Variants in ZFHX2 observed in about 807,000 individuals in gnomAD.
ZFHX2 encodes the protein zinc finger homeobox protein 2.
Under a neutral mutation model 164.8 loss-of-function variants are expected in ZFHX2, and 75 were observed. That is an observed-to-expected ratio of 0.46 (90% CI 0.38 to 0.55). The LOEUF is 0.55. ZFHX2 is among the 20% of genes least tolerant of loss of function. The probability of loss-of-function intolerance (pLI) is 0.00; values close to 1 mark genes in which losing one functional copy is unlikely to be tolerated. For synonymous variants in ZFHX2, 1,217 were observed against 1,351.4 expected (o/e 0.90, Z 2.18); for missense variants, 2,933 against 3,308.0 (o/e 0.89, Z 2.78).
At position 23,524,738 on chromosome 14, in the gene ZFHX2, A is replaced by G; in HGVS notation, c.5204T>C (p.Leu1735Ser). ...LEPPAGPEGP[L>S]PEPPDGEELS... ...CTCCTCCCCATCTGGAGGCTCTGGT[A>G]ATGGGCCCTCAGGCCCTGCTGGAGG... Residue 1735 changes from leucine to serine, a missense_variant, in exon 9 of 10, where the codon TTA becomes TCA. Physicochemically the swap from Leu to Ser is moderately radical, Grantham distance 145 (BLOSUM62 -2). Coordinates refer to ENST00000419474, the MANE Select transcript of ZFHX2 (RefSeq NM_033400.3). This position sits in a 1 kb window ranked among gnomAD's most constrained non-coding sequence, Gnocchi z 5.6. The G allele has an allele frequency of 2.6e-6, 4 of 1,536,304 alleles. No individual in the cohort carries two copies. The highest frequency in any genetic ancestry group is 3.5e-6 in the Non-Finnish European group (4 of 1,146,914).
chr14:23,554,321 C>CTTA (rs1189639378), upstream of ZFHX2, among the ~76,000 whole-genome samples: 1 of 152,164 alleles, frequency 6.6e-6, no homozygotes, highest in Non-Finnish European at 1.5e-5. Flanking sequence ...ACCAACAGTG[C>CTTA]TTAACATGGA....
intron 1 of ZFHX2, among the ~76,000 whole-genome samples, chr14:23,542,654 T>C (rs908170766): frequency 1.4e-4 from 22 of 152,104 alleles, no homozygotes; most frequent in African/African-American, 4.8e-4. Context: ...CAGGGAGTTG[T>C]CCCCTTAAAT....
At chr14:23,548,821 G>A (rs1049312269) in intron 1 of ZFHX2, among the ~76,000 whole-genome samples, 3 of 152,094 alleles carry the variant, frequency 2.0e-5, no homozygotes, top group Admixed American at 2.0e-4. Context: ...CCTGCTATTT[G>A]TGCTATGCTT....
chr14:23,522,030 C>T lies in ZFHX2; in HGVS notation c.7651G>A (p.Glu2551Lys). The T allele has an allele frequency of 6.5e-7, 1 of 1,536,402 alleles. No individual in the cohort carries two copies. Among genetic ancestry groups the T allele is most frequent in the Non-Finnish European group, 8.7e-7 (1 of 1,146,906 alleles). ...ASAAVAFAKE[E>K]ARLPHTDSNP... ...GAGTCCGTGTGAGGTAATCTTGCTTCCTCTTTGGCAAAAGCCACAGCAGCC... is the reference window on the plus strand; with the variant it reads ...GAGTCCGTGTGAGGTAATCTTGCTTTCTCTTTGGCAAAAGCCACAGCAGCC... The change falls in exon 10 of 10, where the codon GAA (glutamate) becomes AAA (lysine). Residue 2551 changes from glutamate (E) to lysine (K), a missense_variant. Physicochemically the swap from Glu to Lys is moderately conservative, Grantham distance 56. Transcript: ENST00000419474.
At chr14:23,553,101 G>A (rs1268102948), upstream of ZFHX2, among the ~76,000 whole-genome samples, 1 of 152,204 alleles carries the variant, frequency 6.6e-6, no homozygotes, top group African/African-American at 2.4e-5. Context: ...GTAAGTGACA[G>A]TGCCAGGACT....
chr14:23,526,152 C>T lies in ZFHX2; in HGVS notation c.3790G>A (p.Glu1264Lys), dbSNP rs1878680193. ...RVSYNQSSTLEIHMRSVLHQT... is the reference protein window; with the variant it reads ...RVSYNQSSTLKIHMRSVLHQT... ...TGCAGAACTGACCGCATGTGGATCT[C>T]CAGGGTGGAGCTCTGGTTGTAGGAG... The change falls in exon 9 of 10, where the codon GAG becomes AAG. Residue 1264 changes from glutamate to lysine, a missense_variant. By Grantham distance (56) the Glu-to-Lys change is moderately conservative. Transcript: ENST00000419474. 2 of 1,536,354 alleles carry T rather than the reference C, an allele frequency of 1.3e-6. No homozygotes were observed. The highest frequency in any genetic ancestry group is 1.4e-5 in the African/African-American group (1 of 72,970).
chr14:23,527,110 C>A, intron 7 of ZFHX2, 137 bp from the exon 8 acceptor site: 1 of 1,309,352 alleles, frequency 7.6e-7, no homozygotes, highest in South Asian at 1.9e-5. Context: ...AACAAACCTC[C>A]CACCTAATTG....
intron 1 of ZFHX2, chr14:23,548,310 A>T (rs1881598681): frequency 6.6e-6 from 1 of 152,180 alleles, no homozygotes; most frequent in South Asian, 2.1e-4. Context: ...AACAGGAGTT[A>T]TTTGTGACAA....
At chr14:23,547,589 C>T (rs1485340708) in intron 1 of ZFHX2, among the ~76,000 whole-genome samples, 25 of 152,124 alleles carry the variant, frequency 1.6e-4, no homozygotes. Flanking sequence ...CCTGAGAGTT[C>T]CCCTGGCTGC....
At chr14:23,550,077 G>A (rs2138936140) in intron 1 of ZFHX2, among the ~76,000 whole-genome samples, 1 of 152,334 alleles carries the variant, frequency 6.6e-6, no homozygotes, top group Middle Eastern at 3.4e-3. Context: ...TAAGTCAGCA[G>A]GGAAGAGGTT....
At chr14:23,553,200 A>G (rs1882101551), upstream of ZFHX2, among the ~76,000 whole-genome samples, 1 of 152,368 alleles carries the variant, frequency 6.6e-6, no homozygotes, top group African/African-American at 2.4e-5. Context: ...TGAAGTTCAC[A>G]TGACAAAAAG....
chr14:23,552,288 A>ATTT (rs891218317), upstream of ZFHX2, among the ~76,000 whole-genome samples: 7 of 133,994 alleles, frequency 5.2e-5, no homozygotes, highest in Admixed American at 7.5e-5. Flanking sequence ...GTGCTCCTGA[A>ATTT]TTTTTTTTTT....
Position 23,521,418 on chromosome 14 carries a change from G to C in ZFHX2, c.*544C>G, listed in dbSNP as rs1877970435. 1 of 153,472 alleles carries C rather than the reference G, an allele frequency of 6.5e-6. No individual in the cohort carries two copies. Among genetic ancestry groups the C allele is most frequent in the African/African-American group, 2.4e-5 (1 of 41,454 alleles). 9.5% of individuals were successfully genotyped at this position (153,472 alleles called of 1,614,324 possible). A position where few individuals can be genotyped will look rare whatever the true frequency, so the allele number is the denominator to read the frequency against. ...TGAGCGGTGTGGTGCTCTAGACAAAGGGTTAGGAAGGAGAAGAGAGAGTGG... is the reference window on the plus strand; with the variant it reads ...TGAGCGGTGTGGTGCTCTAGACAAACGGTTAGGAAGGAGAAGAGAGAGTGG... On this transcript the variant is annotated 3_prime_UTR_variant, in exon 10 of 10. Coordinates refer to ENST00000419474, the MANE Select transcript of ZFHX2 (RefSeq NM_033400.3).
chr14:23,530,101 G>A lies in ZFHX2; in HGVS notation c.2875+19C>T, dbSNP rs558612017. ...TCTCAGAAGGTAGGAGGACTGGGGG[G>A]AAGGGAGGGAAAACTCACCCAATTG... is the stretch of plus-strand genomic sequence containing the variant. On this transcript the variant is annotated intron_variant, in intron 5 of 9. Transcript: ENST00000419474. 3.3e-6 allele frequency: 5 copies of A among 1,533,754 alleles called. No individual in the cohort carries two copies. The South Asian group carries it at 4.8e-5, about 15-fold the overall frequency.
At position 23,521,798 on chromosome 14, in the gene ZFHX2, G is replaced by A. The variant is rs953295142; in HGVS notation, c.*164C>T. ...GATTGGGAGGAGGCAGGACTCTGCT[G>A]GAAGTGGGGTGTGTGGTGCCCACTG... On this transcript the variant is annotated 3_prime_UTR_variant, in exon 10 of 10. Coordinates refer to ENST00000419474, the MANE Select transcript of ZFHX2 (RefSeq NM_033400.3). The A allele has an allele frequency of 1.3e-5, 16 of 1,251,978 alleles. No homozygotes were observed. Among genetic ancestry groups the A allele is most frequent in the Non-Finnish European group, 1.5e-5 (14 of 933,722 alleles). The allele number at this position is 1,251,978 out of a possible 1,614,324, so 77.6% of individuals were successfully genotyped here.
chr14:23,548,121 T>G (rs1260983235), intron 1 of ZFHX2, among the ~76,000 whole-genome samples: 1 of 152,174 alleles, frequency 6.6e-6, no homozygotes, highest in Admixed American at 6.6e-5. Flanking sequence ...CATTACACTT[T>G]CAACAACTCT....
At position 23,525,289 on chromosome 14, in the gene ZFHX2, G is replaced by T; in HGVS notation, c.4653C>A (p.Pro1551=). ...LDSPVPHLGP[P]FLVPEPEAGG... The stretch of plus-strand genomic sequence containing the variant: ...CTGCCTCAGGCTCTGGGACCAGGAA[G>T]GGTGGGCCCAGATGGGGAACAGGTG... Residue 1551 remains proline, a synonymous_variant, in exon 9 of 10, where the codon CCC becomes CCA. Transcript: ENST00000419474. This position sits in a 1 kb window ranked among gnomAD's most constrained non-coding sequence, Gnocchi z 5.9. The T allele has an allele frequency of 6.5e-7, 1 of 1,536,124 alleles. No homozygotes were observed. Among genetic ancestry groups the T allele is most frequent in the Non-Finnish European group, 8.7e-7 (1 of 1,146,896 alleles).
chr14:23,521,829 G>A lies in ZFHX2; in HGVS notation c.*133C>T. 1 of 1,425,654 alleles carries A rather than the reference G, an allele frequency of 7.0e-7. No homozygotes were observed. The highest frequency in any genetic ancestry group is 9.2e-7 in the Non-Finnish European group (1 of 1,084,024). 88.3% of individuals were successfully genotyped at this position (1,425,654 alleles called of 1,614,324 possible). On this transcript the variant is annotated 3_prime_UTR_variant, in exon 10 of 10. Coordinates refer to ENST00000419474, the MANE Select transcript of ZFHX2 (RefSeq NM_033400.3). ...GGGGTGTGTGGTGCCCACTGAGGGT[G>A]GGAACTGAACAGTTCCTGTGAGGTG...
rs376822390 is a variant in ZFHX2, at chr14:23,534,630, G to A, written c.696C>T (p.His232=). The A allele has an allele frequency of 4.0e-5, 62 of 1,536,180 alleles. No individual in the cohort carries two copies. In the Middle Eastern group the frequency reaches 1.7e-3, roughly 41 times the overall value. The change falls in exon 2 of 10, where the codon CAC becomes CAT. Residue 232 remains histidine, a synonymous_variant. Transcript: ENST00000419474. This position sits in a 1 kb window ranked among gnomAD's most constrained non-coding sequence, Gnocchi z 4.5. Reference sequence around the variant, plus strand: ...GAAGGCAGAGCCAGAAGACCGCCACGTGGTTGCCCCCGCTGTTCCCCATGG... The same window carrying A: ...GAAGGCAGAGCCAGAAGACCGCCACATGGTTGCCCCCGCTGTTCCCCATGG... ...DGPMGNSGGN[H]VAVFWLCLLC...
Sources: gnomAD v4.1 joint callset for allele counts (sites outside exome capture counted in the v4.1 genomes callset) on GRCh38, gnomAD v4.1.1 for gene constraint, Gnocchi (gnomAD v3.1) non-coding constraint, MANE v1.5 for transcripts, NCBI Gene and HGNC (gene_info 2026-07-23, HGNC 2026-07-21) for gene names.